STK33: variants seen among roughly 807,000 people sequenced by gnomAD.
STK33 encodes the protein serine/threonine kinase 33.
Under a neutral mutation model 58.0 loss-of-function variants are expected in STK33, and 52 were observed. The observed-to-expected ratio is 0.90, with a 90% CI of 0.72 to 1.13. STK33 has a LOEUF of 1.13. Among genes scored for constraint, STK33 ranks in the 50% most tolerant of loss-of-function variants. The pLI is 0.00. For missense variants in STK33, 630 were observed against 604.2 expected (o/e 1.04, Z -0.45); for synonymous variants, 215 against 200.1 (o/e 1.07, Z -0.63).
At chr11:8,463,438 C>A (rs190994212) in intron 7 of STK33, among the ~76,000 whole-genome samples, 1 of 152,140 alleles carries the variant, frequency 6.6e-6, no homozygotes, top group Non-Finnish European at 1.5e-5. Context: ...GATGTTCACT[C>A]GCCTGCTGCT....
At chr11:8,355,607 T>G in the STK33 span, among the ~76,000 whole-genome samples, 1 of 152,128 alleles carries the variant, frequency 6.6e-6, no homozygotes, top group East Asian at 1.9e-4. Flanking sequence ...CCCTTCCAGG[T>G]GCAGTCAGGG....
At chr11:8,476,062 C>A in intron 4 of STK33, among the ~76,000 whole-genome samples, 1 of 152,146 alleles carries the variant, frequency 6.6e-6, no homozygotes. Context: ...ATCTGCCAGG[C>A]TCATACGATT....
chr11:8,340,509 T>C, the STK33 span, among the ~76,000 whole-genome samples: 3 of 152,152 alleles, frequency 2.0e-5, no homozygotes, highest in African/African-American at 4.8e-5. Flanking sequence ...ACACTAGAGG[T>C]GGACTCTTGA....
intron 14 of STK33, among the ~76,000 whole-genome samples, chr11:8,415,343 G>A (rs1221148220): frequency 6.6e-6 from 1 of 152,026 alleles, no homozygotes; most frequent in East Asian, 1.9e-4. Flanking sequence ...TAGGCTCATG[G>A]TAGAGTTTCA....
downstream of STK33, among the ~76,000 whole-genome samples, chr11:8,389,090 C>T (rs948215992): frequency 6.6e-5 from 10 of 151,002 alleles, no homozygotes; most frequent in East Asian, 9.6e-4. Flanking sequence ...AACTTAAATG[C>T]GGAAGCTGAG....
chr11:8,337,608 G>A, the STK33 span, among the ~76,000 whole-genome samples: 7 of 148,770 alleles, frequency 4.7e-5, no homozygotes, highest in South Asian at 2.2e-4. Context: ...AGCCTGCAGC[G>A]TGGGCCAGGC....
intron 1 of STK33, among the ~76,000 whole-genome samples, chr11:8,571,812 G>A (rs566708602): frequency 1.8e-4 from 26 of 144,858 alleles, no homozygotes; most frequent in South Asian, 6.5e-4. Context: ...CAGCCTGGGC[G>A]ACAGAGCGAG....
chr11:8,417,660 T>A (rs1475341934), intron 14 of STK33, among the ~76,000 whole-genome samples: 1 of 152,142 alleles, frequency 6.6e-6, no homozygotes, highest in Admixed American at 6.6e-5. Flanking sequence ...TTCCTAGGAG[T>A]AAATTTTTTC....
At chr11:8,405,810 C>G (rs1939036373) in intron 15 of STK33, among the ~76,000 whole-genome samples, 1 of 152,128 alleles carries the variant, frequency 6.6e-6, no homozygotes, top group African/African-American at 2.4e-5. Context: ...AAAAGACTAT[C>G]ATTTACCCCT....
rs1036289686 is a variant in STK33 at position 8,416,487 on chromosome 11, T to G, written c.1147-2795A>C. ...AGTTATTAAGATTTTGACAAAAAGG[T>G]AAAGGGCATGAAACAATCATAACTT... On this transcript the variant is annotated intron_variant, in intron 14 of 15. Transcript: ENST00000687296. 2.6e-5 allele frequency among the ~76,000 whole-genome samples: 4 copies of G among 152,164 alleles called. No homozygotes were observed. In the East Asian group the frequency reaches 7.7e-4, roughly 29 times the overall value.
intron 1 of STK33, among the ~76,000 whole-genome samples, chr11:8,548,431 T>A (rs1382050216): frequency 6.6e-6 from 1 of 152,232 alleles, no homozygotes; most frequent in Non-Finnish European, 1.5e-5. Flanking sequence ...TGTATGGATT[T>A]ATTTCTGAGT....
At chr11:8,500,419 G>C (rs12274454) in intron 1 of STK33, among the ~76,000 whole-genome samples, 40,255 of 151,860 alleles carry the variant, frequency 0.27, 5,546 homozygotes, top group African/African-American at 0.34. Flanking sequence ...ATCAGTTGTA[G>C]TTCTACACAT....
intron 1 of STK33, among the ~76,000 whole-genome samples, chr11:8,536,748 C>CT (rs1462796426): frequency 6.6e-6 from 1 of 151,348 alleles, no homozygotes; most frequent in African/African-American, 2.4e-5. Flanking sequence ...GTCCCTTTTT[C>CT]TTTTCTTTTT....
chr11:8,352,093 C>T, the STK33 span, among the ~76,000 whole-genome samples: 1 of 152,186 alleles, frequency 6.6e-6, no homozygotes, highest in East Asian at 1.9e-4. Flanking sequence ...AAAGCATCCC[C>T]TGGGCAGTGG....
At chr11:8,350,797 G>A in the STK33 span, among the ~76,000 whole-genome samples, 1 of 152,138 alleles carries the variant, frequency 6.6e-6, no homozygotes, top group Non-Finnish European at 1.5e-5. Context: ...AAGGGAAGCT[G>A]GAGAATTACT....
At chr11:8,544,062 C>G (rs1955722610) in intron 1 of STK33, among the ~76,000 whole-genome samples, 1 of 151,704 alleles carries the variant, frequency 6.6e-6, no homozygotes, top group African/African-American at 2.4e-5. Context: ...GCAGAATGTG[C>G]AGGTTTGTTA....
intron 1 of STK33, among the ~76,000 whole-genome samples, chr11:8,570,228 G>A (rs1261280515): frequency 1.3e-5 from 2 of 152,066 alleles, no homozygotes; most frequent in Admixed American, 6.6e-5. Context: ...CCTACACATC[G>A]TCCAGAAAGA....
the STK33 span, among the ~76,000 whole-genome samples, chr11:8,375,933 A>G: frequency 1.3e-5 from 2 of 152,226 alleles, no homozygotes; most frequent in African/African-American, 4.8e-5. Flanking sequence ...TAGTGTGAAA[A>G]TGGACTAATA....
At chr11:8,539,814 G>C (rs1398272414) in intron 1 of STK33, among the ~76,000 whole-genome samples, 2 of 152,142 alleles carry the variant, frequency 1.3e-5, no homozygotes. Flanking sequence ...ACTCATAACT[G>C]TAGTACGTAA....
Sources: gnomAD v4.1 joint callset for allele counts (sites outside exome capture counted in the v4.1 genomes callset) on GRCh38, gnomAD v4.1.1 for gene constraint, MANE v1.5 for transcripts, NCBI Gene and HGNC (gene_info 2026-07-23, HGNC 2026-07-21) for gene names.